Variants in GOLM2 observed in about 807,000 individuals in gnomAD.
GOLM2 encodes the protein golgi membrane protein 2, also known as protein GOLM2.
GOLM2 carries 26 observed loss-of-function variants against 55.9 expected under a neutral mutation model. That is an observed-to-expected ratio of 0.47 (90% CI 0.34 to 0.65). The LOEUF (loss-of-function observed/expected upper bound fraction) is 0.65, where lower values mean the gene tolerates loss of function less well. GOLM2 is among the 30% of genes least tolerant of loss of function. The pLI is 0.01. For missense variants in GOLM2, 486 were observed against 531.8 expected (o/e 0.91, Z 0.85); for synonymous variants, 165 against 194.6 (o/e 0.85, Z 1.27).
Position 44,360,081 on chromosome 15 carries a change from C to A in GOLM2, c.803-19609C>A, listed in dbSNP as rs1031045744. 5.9e-5 allele frequency among the ~76,000 whole-genome samples: 9 copies of A among 152,286 alleles called. No individual in the cohort carries two copies. In the East Asian group the frequency reaches 1.3e-3, roughly 23 times the overall value. ...TAAACATGGAAAGGAACAACCACTA[C>A]CAGCCGCTGCAAAATCATGCCAAAA... On this transcript the variant is annotated intron_variant, in intron 6 of 9. Coordinates refer to ENST00000299957, the MANE Select transcript of GOLM2 (RefSeq NM_138423.4).
At chr15:44,296,746 TCTGA>T (rs1418835047) in intron 1 of GOLM2, among the ~76,000 whole-genome samples, 2 of 152,146 alleles carry the variant, frequency 1.3e-5, no homozygotes, top group Non-Finnish European at 2.9e-5. Flanking sequence ...CTCCTGAATG[TCTGA>T]CTGTTTTTGT....
chr15:44,335,907 C>G (rs1483921553), intron 4 of GOLM2, among the ~76,000 whole-genome samples: 1 of 151,190 alleles, frequency 6.6e-6, no homozygotes, highest in Non-Finnish European at 1.5e-5. Context: ...CTCTGCCTCC[C>G]GGGTTCAAGC....
chr15:44,338,885 C>A (rs1231958166), intron 6 of GOLM2, among the ~76,000 whole-genome samples: 1 of 152,102 alleles, frequency 6.6e-6, no homozygotes, highest in African/African-American at 2.4e-5. Context: ...CACTTGAAGG[C>A]CTGCTCCCAC....
chr15:44,347,326 A>G (rs779888579), intron 6 of GOLM2, among the ~76,000 whole-genome samples: 24 of 152,230 alleles, frequency 1.6e-4, no homozygotes, highest in Non-Finnish European at 2.6e-4. Flanking sequence ...TGGAAGGAGT[A>G]GGAAAGACAG....
intron 8 of GOLM2, among the ~76,000 whole-genome samples, chr15:44,401,469 C>T (rs2079564965): frequency 6.6e-6 from 1 of 152,010 alleles, no homozygotes; most frequent in Non-Finnish European, 1.5e-5. Flanking sequence ...CCAGGCTGGT[C>T]TCAAACTCCT....
At chr15:44,373,754 G>C (rs2079345855) in intron 6 of GOLM2, among the ~76,000 whole-genome samples, 1 of 151,950 alleles carries the variant, frequency 6.6e-6, no homozygotes, top group Non-Finnish European at 1.5e-5. Context: ...ACTCCATCTT[G>C]AAAAAACAAA....
intron 8 of GOLM2, among the ~76,000 whole-genome samples, chr15:44,400,858 A>C (rs1292423307): frequency 2.6e-5 from 4 of 151,866 alleles, no homozygotes; most frequent in African/African-American, 9.7e-5. Context: ...TACGGGCGTG[A>C]GCCACCACGC....
At chr15:44,396,600 AGATGTCTT>A (rs1378037773) in intron 8 of GOLM2, among the ~76,000 whole-genome samples, 8 of 152,104 alleles carry the variant, frequency 5.3e-5, no homozygotes, top group Admixed American at 2.6e-4. Flanking sequence ...CTGATATTTG[AGATGTCTT>A]ACAGAATGTC....
intron 8 of GOLM2, among the ~76,000 whole-genome samples, chr15:44,401,302 T>A (rs1181159220): frequency 3.3e-5 from 5 of 151,976 alleles, no homozygotes; most frequent in African/African-American, 1.2e-4. Context: ...TCTCACTCTG[T>A]CACCCAGGCT....
At chr15:44,374,698 C>T (rs2141188631) in intron 6 of GOLM2, among the ~76,000 whole-genome samples, 1 of 152,188 alleles carries the variant, frequency 6.6e-6, no homozygotes, top group Middle Eastern at 3.4e-3. Flanking sequence ...GGGGAAGGTG[C>T]CATACACTTT....
chr15:44,407,969 C>T (rs143329811), intron 9 of GOLM2, among the ~76,000 whole-genome samples: 3,964 of 152,042 alleles, frequency 0.026, 94 homozygotes, highest in East Asian at 0.1. Context: ...CCAGGCTGGT[C>T]TTGAACTCCT....
chr15:44,359,041 T>G (rs1280068959), intron 6 of GOLM2, among the ~76,000 whole-genome samples: 2 of 151,528 alleles, frequency 1.3e-5, no homozygotes, highest in African/African-American at 4.8e-5. Flanking sequence ...CCTCAGCTAC[T>G]AGGGAGGCTG....
chr15:44,366,131 A>G (rs571180416), intron 6 of GOLM2, among the ~76,000 whole-genome samples: 1 of 152,126 alleles, frequency 6.6e-6, no homozygotes, highest in South Asian at 2.1e-4. Context: ...CCCCATCTCT[A>G]GTAAAAATAC....
chr15:44,296,916 C>T (rs2078760272), intron 1 of GOLM2, among the ~76,000 whole-genome samples: 1 of 152,194 alleles, frequency 6.6e-6, no homozygotes, highest in South Asian at 2.1e-4. Context: ...ATAATTCCTG[C>T]CTTTGCCTCT....
chr15:44,358,468 T>G (rs1045774129), intron 6 of GOLM2, among the ~76,000 whole-genome samples: 4 of 152,086 alleles, frequency 2.6e-5, no homozygotes, highest in Admixed American at 2.0e-4. Flanking sequence ...GACTTAATAT[T>G]AGAGCTACAG....
chr15:44,336,196 A>G (rs1343018110), intron 4 of GOLM2, among the ~76,000 whole-genome samples: 1 of 151,402 alleles, frequency 6.6e-6, no homozygotes, highest in Admixed American at 6.6e-5. Context: ...GGCTCACTGC[A>G]AGCTCCGCCT....
intron 6 of GOLM2, among the ~76,000 whole-genome samples, chr15:44,364,179 A>T (rs2079265959): frequency 6.6e-6 from 1 of 152,094 alleles, no homozygotes; most frequent in Admixed American, 6.6e-5. Flanking sequence ...TGTACCCTAA[A>T]ACTTAAAAGT....
At chr15:44,334,297 A>G (rs952038872) in intron 4 of GOLM2, among the ~76,000 whole-genome samples, 1 of 152,172 alleles carries the variant, frequency 6.6e-6, no homozygotes, top group Non-Finnish European at 1.5e-5. Context: ...TACTTTAACT[A>G]CTATGGCAAG....
At chr15:44,404,714 A>C (rs1295525706) in intron 9 of GOLM2, among the ~76,000 whole-genome samples, 1 of 151,902 alleles carries the variant, frequency 6.6e-6, no homozygotes, top group Non-Finnish European at 1.5e-5. Flanking sequence ...TTTGCCTTCC[A>C]TTTTGTTTGT....
Sources: allele counts gnomAD v4.1 joint callset (sites outside exome capture counted in the v4.1 genomes callset), GRCh38; gene constraint gnomAD v4.1.1; transcripts MANE v1.5; gene names NCBI Gene and HGNC (gene_info 2026-07-23, HGNC 2026-07-21).